GULP1: variants seen among roughly 807,000 people sequenced by gnomAD.
GULP1 encodes GULP PTB domain containing engulfment adaptor 1, also known as PTB domain-containing engulfment adapter protein 1.
GULP1 carries 19 observed loss-of-function variants against 40.9 expected under a neutral mutation model. That is an observed-to-expected ratio of 0.46 (90% CI 0.32 to 0.68). The LOEUF is 0.68. Ranked by LOEUF, GULP1 falls within the 30% of genes least tolerant of loss-of-function variation. The pLI, the probability that GULP1 is intolerant of heterozygous loss-of-function variation, is 0.03. For missense variants in GULP1, 312 were observed against 362.2 expected (o/e 0.86, Z 1.12); for synonymous variants, 119 against 117.6 (o/e 1.01, Z -0.08).
At chr2:188,421,982 TA>T (rs1352204396) in intron 2 of GULP1, among the ~76,000 whole-genome samples, 3 of 152,190 alleles carry the variant, frequency 2.0e-5, no homozygotes, top group Non-Finnish European at 4.4e-5. Flanking sequence ...TCTGTTTTTA[TA>T]TTTTATTGTA....
intron 7 of GULP1, among the ~76,000 whole-genome samples, chr2:188,558,606 A>G (rs192256827): frequency 1.3e-4 from 20 of 152,280 alleles, no homozygotes; most frequent in Middle Eastern, 3.4e-3. Context: ...CAGAGGGTGG[A>G]ACAGTTTGGA....
intron 2 of GULP1, among the ~76,000 whole-genome samples, chr2:188,392,291 T>G (rs1176858019): frequency 1.4e-5 from 2 of 138,756 alleles, no homozygotes; most frequent in Non-Finnish European, 3.3e-5. Flanking sequence ...TTTTTATTGG[T>G]TTGTTCAGGG....
intron 3 of GULP1, among the ~76,000 whole-genome samples, chr2:188,478,796 A>G (rs2061229214): frequency 6.6e-6 from 1 of 152,110 alleles, no homozygotes; most frequent in Non-Finnish European, 1.5e-5. Flanking sequence ...TTTCTAATGT[A>G]TGGATGGATA....
intron 4 of GULP1, among the ~76,000 whole-genome samples, chr2:188,499,162 T>A (rs2153139140): frequency 7.1e-6 from 1 of 141,480 alleles, no homozygotes; most frequent in South Asian, 2.2e-4. Context: ...TATATATATA[T>A]ATATATATGA....
intron 3 of GULP1, among the ~76,000 whole-genome samples, chr2:188,478,855 T>C (rs13418031): frequency 0.13 from 19,991 of 152,108 alleles, 3,249 homozygotes; most frequent in African/African-American, 0.39. Context: ...ATCAGGCAGT[T>C]GGGCACTGGG....
At chr2:188,324,135 A>G (rs2040420957) in intron 1 of GULP1, among the ~76,000 whole-genome samples, 1 of 152,116 alleles carries the variant, frequency 6.6e-6, no homozygotes, top group Admixed American at 6.6e-5. Context: ...TAAGAAAATA[A>G]GGATTTAATT....
rs974678797 is a variant in GULP1, at chr2:188,569,537, A to G, written c.516+182A>G. ...TCCCCTGCACAGTTTTTTTTTTTTA[A>G]CTATTTTATATTGAATTCCCACAAG... is the stretch of plus-strand genomic sequence containing the variant. On this transcript the variant is annotated intron_variant, in intron 8 of 11. Coordinates refer to ENST00000409830, the MANE Select transcript of GULP1 (RefSeq NM_016315.4). 1.5e-5 allele frequency: 8 copies of G among 549,654 alleles called. No homozygotes were observed. The African/African-American group carries it at 1.5e-4, about 11-fold the overall frequency. 34.0% of individuals were successfully genotyped at this position (549,654 alleles called of 1,614,324 possible).
chr2:188,396,947 AG>A (rs2051363515), intron 2 of GULP1, among the ~76,000 whole-genome samples: 1 of 152,166 alleles, frequency 6.6e-6, no homozygotes, highest in Non-Finnish European at 1.5e-5. Flanking sequence ...AGCACTGGTT[AG>A]GGTAAGGCCT....
chr2:188,331,144 C>T (rs1164584397), intron 1 of GULP1, among the ~76,000 whole-genome samples: 1 of 152,092 alleles, frequency 6.6e-6, no homozygotes, highest in Non-Finnish European at 1.5e-5. Context: ...TTCTTTTTGT[C>T]TCTGAAGTAT....
intron 2 of GULP1, among the ~76,000 whole-genome samples, chr2:188,427,154 C>T (rs2056304791): frequency 6.6e-6 from 1 of 152,130 alleles, no homozygotes; most frequent in Admixed American, 6.5e-5. Flanking sequence ...ACCTGGCTAC[C>T]TCTACTAGCC....
intron 4 of GULP1, 27 bp from the exon 5 acceptor site, chr2:188,522,729 C>T (rs577587681): frequency 1.4e-6 from 2 of 1,449,704 alleles, no homozygotes; most frequent in African/African-American, 2.8e-5. Flanking sequence ...TGGTAAAAGC[C>T]TGTGTCTCAC....
chr2:188,443,083 A>G (rs767541313), intron 2 of GULP1, among the ~76,000 whole-genome samples: 16 of 151,816 alleles, frequency 1.1e-4, no homozygotes, highest in Non-Finnish European at 1.9e-4. Context: ...TCATGTTTGA[A>G]CCCCTGTTGG....
chr2:188,513,216 G>A (rs1249647542), intron 4 of GULP1, among the ~76,000 whole-genome samples: 1 of 152,066 alleles, frequency 6.6e-6, no homozygotes, highest in African/African-American at 2.4e-5. Context: ...CGAACTATAT[G>A]CCATGCTGTT....
chr2:188,480,808 A>T (rs2061391937), intron 3 of GULP1, among the ~76,000 whole-genome samples: 1 of 151,944 alleles, frequency 6.6e-6, no homozygotes, highest in Non-Finnish European at 1.5e-5. Flanking sequence ...TCAACTAGTT[A>T]CATTTTTTTA....
At chr2:188,502,473 G>A (rs531019553) in intron 4 of GULP1, among the ~76,000 whole-genome samples, 1 of 151,848 alleles carries the variant, frequency 6.6e-6, no homozygotes, top group Non-Finnish European at 1.5e-5. Flanking sequence ...AATTTATGTA[G>A]TAATACCCAC....
chr2:188,447,224 A>G (rs1159433141), intron 2 of GULP1, among the ~76,000 whole-genome samples: 7 of 152,222 alleles, frequency 4.6e-5, no homozygotes, highest in Non-Finnish European at 8.8e-5. Context: ...TGAAGCCTCC[A>G]TGTAACAGGC....
intron 1 of GULP1, among the ~76,000 whole-genome samples, chr2:188,356,391 A>T (rs573136993): frequency 6.6e-6 from 1 of 152,250 alleles, no homozygotes; most frequent in East Asian, 1.9e-4. Flanking sequence ...TCTATACACC[A>T]ACAAAGAACT....
intron 10 of GULP1, 89 bp downstream of exon 10, chr2:188,584,492 TAAC>T (rs1701966180): frequency 5.4e-6 from 3 of 556,158 alleles, no homozygotes; most frequent in South Asian, 4.9e-5. Context: ...TTACATATCT[TAAC>T]AACCTTACTT....
chr2:188,562,849 A>G (rs1193747970), intron 7 of GULP1, among the ~76,000 whole-genome samples: 2 of 152,214 alleles, frequency 1.3e-5, no homozygotes, highest in African/African-American at 2.4e-5. Context: ...GTCTAACTAC[A>G]AATATATGGA....
Sources: allele counts gnomAD v4.1 joint callset (sites outside exome capture counted in the v4.1 genomes callset), GRCh38; gene constraint gnomAD v4.1.1; transcripts MANE v1.5; gene names NCBI Gene and HGNC (gene_info 2026-07-23, HGNC 2026-07-21).